The following SALL2 variants were observed in gnomAD, a reference collection of about 807,000 sequenced individuals.
SALL2 encodes the protein spalt like transcription factor 2.
A neutral mutation model predicts 58.5 loss-of-function variants in SALL2; 32 were observed. The observed-to-expected ratio is 0.55, with a 90% CI of 0.41 to 0.74. SALL2 has a LOEUF of 0.74. SALL2 is among the 30% of genes least tolerant of loss of function. The pLI is 0.00. For synonymous variants in SALL2, 516 were observed against 513.6 expected (o/e 1.00, Z -0.06); for missense variants, 1,201 against 1,268.9 (o/e 0.95, Z 0.81).
In SALL2 at chr14:21,524,036, G is replaced by A. The variant is rs755318644; in HGVS notation, c.1686C>T (p.Thr562=). The A allele has an allele frequency of 8.1e-6, 13 of 1,614,226 alleles. 1 individual carries two copies. In the South Asian group the frequency reaches 1.4e-4, roughly 18 times the overall value. ...VTSLPSWALL[T]NHFKSTGSFP... is the part of the protein sequence containing the mutation. ...AGCTGCCAGTGGACTTGAAGTGGTT[G>A]GTAAGCAGTGCCCAGCTTGGTAGTG... Residue 562 remains threonine (T), a synonymous_variant, in exon 2 of 2, where the codon ACC becomes ACT. Transcript: ENST00000537235.
In SALL2 at chr14:21,523,919, T is replaced by C; in HGVS notation, c.1803A>G (p.Gly601=). ...QQLVEKIDRQ[G]AVAVTSAASG... ...AGGCAGCTGAGGTCACCGCCACAGC[T>C]CCTTGCCGGTCAATCTTTTCTACCA... The change falls in exon 2 of 2, where the codon GGA becomes GGG. Residue 601 remains glycine, a synonymous_variant. Transcript: ENST00000537235. This position sits in a 1 kb window ranked among gnomAD's most constrained non-coding sequence, Gnocchi z 4.4. 1 of 1,614,186 alleles carries C rather than the reference T, an allele frequency of 6.2e-7. No homozygotes were observed. Among genetic ancestry groups the C allele is most frequent in the Non-Finnish European group, 8.5e-7 (1 of 1,180,034 alleles).
Position 21,524,434 on chromosome 14 carries a change from T to C in SALL2, c.1288A>G (p.Met430Val), listed in dbSNP as rs1892191576. The change falls in exon 2 of 2, where the codon ATG becomes GTG. Residue 430 changes from methionine to valine, a missense_variant. By Grantham distance (21) the Met-to-Val change is conservative (BLOSUM62 1). Coordinates refer to ENST00000537235, the MANE Select transcript of SALL2 (RefSeq NM_001364564.1). ...TGCTCTGGTACTGGGTGTGGGTTCA[T>C]CTGCACATGTGGGTACTTCTCACGA... ...RHREKYPHVQ[M>V]NPHPVPEHLD... The C allele has an allele frequency of 6.2e-7, 1 of 1,614,124 alleles. No individual in the cohort carries two copies. The highest frequency in any genetic ancestry group is 8.5e-7 in the Non-Finnish European group (1 of 1,180,048).
intron 1 of SALL2, among the ~76,000 whole-genome samples, chr14:21,532,302 A>AG (rs34386044): frequency 0.7 from 106,204 of 151,502 alleles, 38,384 homozygotes; most frequent in African/African-American, 0.87. Flanking sequence ...AGAGGCTAAC[A>AG]GGGCTAAGGG....
upstream of SALL2, among the ~76,000 whole-genome samples, chr14:21,530,925 T>C: frequency 6.6e-6 from 1 of 152,274 alleles, no homozygotes; most frequent in East Asian, 1.9e-4. Context: ...TTACTTATTA[T>C]TGACACTGAA....
upstream of SALL2, among the ~76,000 whole-genome samples, chr14:21,528,620 C>T (rs1199010802): frequency 7.9e-5 from 12 of 152,106 alleles, no homozygotes; most frequent in Admixed American, 6.5e-4. Flanking sequence ...TATGGCAAGT[C>T]ACAGTTTTGT....
chr14:21,525,673 G>C lies in SALL2; in HGVS notation c.68-19C>G, dbSNP rs752050903. 1 of 1,549,626 alleles carries C rather than the reference G, an allele frequency of 6.5e-7. No individual in the cohort carries two copies. Among genetic ancestry groups the C allele is most frequent in the Admixed American group, 1.9e-5 (1 of 53,024 alleles). ...GCATCACCTGGGGAGAAGACAAGGA[G>C]AGAGAGCGTGGGTGGCGCAGTTGGG... On this transcript the variant is annotated intron_variant, in intron 1 of 1. Coordinates refer to ENST00000537235, the MANE Select transcript of SALL2 (RefSeq NM_001364564.1). The surrounding 1 kb of genome is among the most constrained non-coding windows in gnomAD (Gnocchi z 4.4).
At position 21,522,047 on chromosome 14, in the gene SALL2, G is replaced by C. The variant is rs741707; in HGVS notation, c.*657C>G. On this transcript the variant is annotated 3_prime_UTR_variant, in exon 2 of 2. Transcript: ENST00000537235. Reference sequence around the variant, plus strand: ...TGATGGGCTTCTCAGGCACTGCCTTGGGTGCAGGAGGCTGAAATAGGAGGG... The same window carrying C: ...TGATGGGCTTCTCAGGCACTGCCTTCGGTGCAGGAGGCTGAAATAGGAGGG... The C allele has an allele frequency of 6.3e-7, 1 of 1,596,464 alleles. No individual in the cohort carries two copies. The highest frequency in any genetic ancestry group is 1.1e-5 in the South Asian group (1 of 90,496).
chr14:21,530,438 G>A (rs923768361), upstream of SALL2, among the ~76,000 whole-genome samples: 6 of 151,816 alleles, frequency 4.0e-5, no homozygotes, highest in African/African-American at 7.3e-5. Flanking sequence ...ACAGGCATGT[G>A]CCACCAAGCC....
At chr14:21,532,889 G>A (rs562289945) in intron 1 of SALL2, among the ~76,000 whole-genome samples, 31 of 151,798 alleles carry the variant, frequency 2.0e-4, no homozygotes, top group African/African-American at 7.2e-4. Flanking sequence ...TGTGAACCCG[G>A]GAGGCGGAGC....
chr14:21,536,944 G>A (rs1321430335), intron 1 of SALL2: 14 of 1,610,768 alleles, frequency 8.7e-6, no homozygotes, highest in East Asian at 2.2e-5. Context: ...AGTTGGGAGA[G>A]GGAGGGGCAA....
chr14:21,523,103 C>T lies in SALL2; in HGVS notation c.2619G>A (p.Pro873=), dbSNP rs750778517. Residue 873 remains proline (P), a synonymous_variant, in exon 2 of 2, where the codon CCG becomes CCA. Transcript: ENST00000537235. This position sits in a 1 kb window ranked among gnomAD's most constrained non-coding sequence, Gnocchi z 4.4. ...CCCCTTCTGGGGTGAGTGCTGATGC[C>T]GGACTTGAGCTTCTCTCCGGTTTGC... The part of the protein sequence containing the change: ...EGGKPERSSS[P]ASALTPEGEA... The T allele has an allele frequency of 8.1e-6, 13 of 1,614,012 alleles. No individual in the cohort carries two copies. The highest frequency in any genetic ancestry group is 4.0e-5 in the African/African-American group (3 of 74,922).
chr14:21,536,484 A>G (rs980923171), intron 1 of SALL2, among the ~76,000 whole-genome samples: 5 of 152,294 alleles, frequency 3.3e-5, no homozygotes, highest in Admixed American at 6.5e-5. Flanking sequence ...AAAAGGGGGG[A>G]AAATCCCACC....
At chr14:21,534,153 G>A (rs891313128) in intron 1 of SALL2, among the ~76,000 whole-genome samples, 2 of 152,140 alleles carry the variant, frequency 1.3e-5, no homozygotes, top group African/African-American at 4.8e-5. Context: ...AAGAAAACCA[G>A]AAAATGTGAA....
chr14:21,535,719 C>T (rs557142844), intron 1 of SALL2, among the ~76,000 whole-genome samples: 257 of 152,302 alleles, frequency 1.7e-3, no homozygotes, highest in African/African-American at 6.0e-3. Context: ...AACCCTTGTG[C>T]TTAATCCTAT....
Position 21,525,763 on chromosome 14 carries a change from AG to A in SALL2, c.68-110del. The A allele has an allele frequency of 8.3e-7, 1 of 1,200,258 alleles. No individual in the cohort carries two copies. Among genetic ancestry groups the A allele is most frequent in the East Asian group, 2.9e-5 (1 of 34,658 alleles). 74.4% of individuals were successfully genotyped at this position (1,200,258 alleles called of 1,614,324 possible). A position where few individuals can be genotyped will look rare whatever the true frequency, so the allele number is the denominator to read the frequency against. The stretch of plus-strand genomic sequence containing the variant: ...ACCGCTAGTTGGGGGTGGGGAGATG[AG>A]CTCACCATCAGGGCCATGCAGAAGT... On this transcript the variant is annotated intron_variant, in intron 1 of 1. Transcript: ENST00000537235. This position sits in a 1 kb window ranked among gnomAD's most constrained non-coding sequence, Gnocchi z 4.4.
At position 21,535,966 on chromosome 14, in the gene SALL2, T is replaced by C. The variant is rs1437267627; in HGVS notation, c.-114+996A>G. Among the ~76,000 whole-genome samples, 5 of 152,188 alleles carry C rather than the reference T, an allele frequency of 3.3e-5. No homozygotes were observed. In the East Asian group the frequency reaches 9.6e-4, roughly 29 times the overall value. On this transcript the variant is annotated intron_variant, in intron 1 of 1. Transcript: ENST00000541965. ...CAGGTTTAGTGGGTTTAGTGAGCAC[T>C]ACCAGCCAGCCCTGAGCATTAGGAA...
chr14:21,523,647 G>A lies in SALL2; in HGVS notation c.2075C>T (p.Pro692Leu). 2 of 1,614,232 alleles carry A rather than the reference G, an allele frequency of 1.2e-6. No individual in the cohort carries two copies. The highest frequency in any genetic ancestry group is 1.7e-6 in the Non-Finnish European group (2 of 1,180,048). The change falls in exon 2 of 2, where the codon CCC becomes CTC. Residue 692 changes from proline to leucine, a missense_variant. Physicochemically the swap from Pro to Leu is moderately conservative, Grantham distance 98. Transcript: ENST00000537235. The surrounding 1 kb of genome is among the most constrained non-coding windows in gnomAD (Gnocchi z 4.4). ...ATTGGTGAACTTCTTCTGGCAGATG[G>A]GGCAGGAATTCTGTGCCCGGGCAGC... is the stretch of plus-strand genomic sequence containing the variant. ...SPAARAQNSC[P>L]ICQKKFTNAV...
chr14:21,527,574 T>A (rs1442003587), upstream of SALL2, among the ~76,000 whole-genome samples: 1 of 152,176 alleles, frequency 6.6e-6, no homozygotes, highest in Non-Finnish European at 1.5e-5. Flanking sequence ...TGGTGGTCAG[T>A]CACACCATGT....
chr14:21,529,443 T>A (rs764908764), upstream of SALL2, among the ~76,000 whole-genome samples: 1 of 152,166 alleles, frequency 6.6e-6, no homozygotes, highest in African/African-American at 2.4e-5. Flanking sequence ...AGGTGAGTTG[T>A]ATGTAGCAGG....
Sources: gnomAD v4.1 joint callset for allele counts (sites outside exome capture counted in the v4.1 genomes callset) on GRCh38, gnomAD v4.1.1 for gene constraint, Gnocchi (gnomAD v3.1) non-coding constraint, MANE v1.5 for transcripts, NCBI Gene and HGNC (gene_info 2026-07-23, HGNC 2026-07-21) for gene names.